The following ALK variants were observed in gnomAD, a reference collection of about 807,000 sequenced individuals.
ALK encodes ALK tyrosine kinase receptor.
In ALK, 74 loss-of-function variants were observed where a neutral mutation model predicts 163.1. The observed-to-expected ratio is 0.45, with a 90% CI of 0.38 to 0.55. The LOEUF is 0.55. Ranked by LOEUF, ALK falls within the 20% of genes least tolerant of loss-of-function variation. The pLI, the probability that ALK is intolerant of heterozygous loss-of-function variation, is 0.00. For missense variants in ALK, 2,063 were observed against 2,105.3 expected (o/e 0.98, Z 0.39); for synonymous variants, 960 against 843.2 (o/e 1.14, Z -2.40).
intron 1 of ALK, among the ~76,000 whole-genome samples, chr2:29,721,372 C>T (rs777925074): frequency 6.6e-6 from 1 of 152,168 alleles, no homozygotes; most frequent in Non-Finnish European, 1.5e-5. Flanking sequence ...GAGGAACACA[C>T]AACAGTGCTG....
intron 12 of ALK, among the ~76,000 whole-genome samples, chr2:29,248,943 C>CCTGCCTG (rs1468154561): frequency 1.3e-5 from 2 of 152,258 alleles, no homozygotes; most frequent in Non-Finnish European, 2.9e-5. Context: ...GGAAACACTG[C>CCTGCCTG]CTGCCTGCTG....
At chr2:29,208,596 C>G (rs1213454665) in intron 25 of ALK, among the ~76,000 whole-genome samples, 1 of 152,174 alleles carries the variant, frequency 6.6e-6, no homozygotes, top group Non-Finnish European at 1.5e-5. Context: ...ACATCTTCCA[C>G]ATGCTGCTGC....
In ALK at chr2:29,920,853, C is replaced by G; in HGVS notation, c.-194G>C. The G allele has an allele frequency of 1.7e-6, 1 of 604,894 alleles. No homozygotes were observed. Among genetic ancestry groups the G allele is most frequent in the Non-Finnish European group, 2.9e-6 (1 of 343,206 alleles). The allele number at this position is 604,894 out of a possible 1,614,324, so 37.5% of individuals were successfully genotyped here. On this transcript the variant is annotated 5_prime_UTR_variant, in exon 1 of 29. Transcript: ENST00000389048. ...GAGGCGAGCAGGAGTCTAAATGAAA[C>G]AGACCTGGAAGCTCAGGGGCGAGTC...
intron 25 of ALK, among the ~76,000 whole-genome samples, chr2:29,208,312 T>C (rs1669368980): frequency 6.6e-6 from 1 of 151,432 alleles, no homozygotes; most frequent in Admixed American, 6.6e-5. Flanking sequence ...AAGTGCAGAG[T>C]AGGTGGGGAA....
intron 4 of ALK, among the ~76,000 whole-genome samples, chr2:29,398,749 TGACAAA>T (rs927710594): frequency 1.4e-4 from 21 of 152,222 alleles, no homozygotes; most frequent in African/African-American, 4.8e-4. Flanking sequence ...GAATAGACCG[TGACAAA>T]GGCTGGAAAG....
At chr2:29,898,377 G>T (rs1262809260) in intron 1 of ALK, among the ~76,000 whole-genome samples, 2 of 152,216 alleles carry the variant, frequency 1.3e-5, no homozygotes, top group African/African-American at 4.8e-5. Flanking sequence ...TATCTGGAGA[G>T]AAGTGATTGG....
At chr2:29,798,629 G>A (rs1045659237) in intron 1 of ALK, among the ~76,000 whole-genome samples, 1 of 152,202 alleles carries the variant, frequency 6.6e-6, no homozygotes, top group African/African-American at 2.4e-5. Flanking sequence ...ACAGTCTTTG[G>A]CCACATTCTA....
chr2:29,382,339 T>C (rs1668920660), intron 5 of ALK, among the ~76,000 whole-genome samples: 1 of 152,146 alleles, frequency 6.6e-6, no homozygotes, highest in Admixed American at 6.5e-5. Flanking sequence ...CAACACAGGC[T>C]ATGGGGGATG....
chr2:29,869,912 T>G (rs542129029), intron 1 of ALK, among the ~76,000 whole-genome samples: 2 of 152,312 alleles, frequency 1.3e-5, no homozygotes, highest in East Asian at 1.9e-4. Context: ...AGAACAATTC[T>G]AAATGAGAAA....
chr2:29,594,895 G>A (rs920428653), intron 3 of ALK, among the ~76,000 whole-genome samples: 1 of 71,326 alleles, frequency 1.4e-5, no homozygotes, highest in African/African-American at 5.9e-5. Flanking sequence ...AAACAAAAAT[G>A]GGGGGTGGGG....
chr2:29,342,093 G>A (rs1421330732), intron 5 of ALK, among the ~76,000 whole-genome samples: 2 of 152,178 alleles, frequency 1.3e-5, no homozygotes, highest in South Asian at 2.1e-4. Context: ...GAATATGACC[G>A]AAATATACAA....
At chr2:29,394,148 T>G (rs1669245769) in intron 4 of ALK, among the ~76,000 whole-genome samples, 1 of 152,014 alleles carries the variant, frequency 6.6e-6, no homozygotes, top group Non-Finnish European at 1.5e-5. Flanking sequence ...AAGTTGCAAA[T>G]TAAAATAAAA....
At chr2:29,789,757 T>C (rs1244967528) in intron 1 of ALK, among the ~76,000 whole-genome samples, 1 of 152,170 alleles carries the variant, frequency 6.6e-6, no homozygotes, top group Non-Finnish European at 1.5e-5. Flanking sequence ...TTTAAAATCA[T>C]TGATGTGGGG....
At chr2:29,684,562 T>C (rs1277520168) in intron 3 of ALK, among the ~76,000 whole-genome samples, 1 of 152,206 alleles carries the variant, frequency 6.6e-6, no homozygotes, top group African/African-American at 2.4e-5. Flanking sequence ...AACCTGGCCA[T>C]CTGCAAAGAA....
intron 2 of ALK, among the ~76,000 whole-genome samples, chr2:29,712,521 T>C (rs1476980951): frequency 6.6e-6 from 1 of 152,116 alleles, no homozygotes; most frequent in African/African-American, 2.4e-5. Flanking sequence ...ATTTCAGAAA[T>C]GCGATCAAAC....
chr2:29,794,115 C>T (rs536974972), intron 1 of ALK, among the ~76,000 whole-genome samples: 13 of 152,270 alleles, frequency 8.5e-5, no homozygotes, highest in African/African-American at 3.1e-4. Context: ...GGTAGATCTT[C>T]TGGATAACTT....
At chr2:29,687,566 A>G (rs1191132615) in intron 3 of ALK, among the ~76,000 whole-genome samples, 1 of 152,148 alleles carries the variant, frequency 6.6e-6, no homozygotes, top group Non-Finnish European at 1.5e-5. Context: ...TTATCTTATT[A>G]TAAAAAATAA....
At chr2:29,413,691 C>T (rs78046165) in intron 4 of ALK, among the ~76,000 whole-genome samples, 4,575 of 152,190 alleles carry the variant, frequency 0.03, 254 homozygotes, top group African/African-American at 0.1. Flanking sequence ...TCCACCATGC[C>T]CGGCTAATTT....
chr2:29,562,765 A>T (rs1318874436), intron 3 of ALK, among the ~76,000 whole-genome samples: 1 of 152,256 alleles, frequency 6.6e-6, no homozygotes, highest in African/African-American at 2.4e-5. Context: ...AGGAATTCTC[A>T]TTATTACAAC....
Sources: allele counts gnomAD v4.1 joint callset (sites outside exome capture counted in the v4.1 genomes callset), GRCh38; gene constraint gnomAD v4.1.1; transcripts MANE v1.5; gene names NCBI Gene and HGNC (gene_info 2026-07-23, HGNC 2026-07-21).